The following ELMO1 variants were observed in gnomAD, a reference collection of about 807,000 sequenced individuals.
The protein encoded by ELMO1 is engulfment and cell motility 1, also known as engulfment and cell motility protein 1.
A neutral mutation model predicts 98.9 loss-of-function variants in ELMO1; 26 were observed. That is an observed-to-expected ratio of 0.26 (90% CI 0.19 to 0.36). ELMO1 has a LOEUF of 0.36. Ranked by LOEUF, ELMO1 falls within the 10% of genes least tolerant of loss-of-function variation. The pLI is 1.00. For missense variants in ELMO1, 627 were observed against 935.2 expected, an observed-to-expected ratio of 0.67 and a Z score of 4.30; for synonymous variants, 346 against 346.0, an observed-to-expected ratio of 1.00 and a Z score of 0.00.
chr7:37,359,122 G>A (rs1249402448), intron 1 of ELMO1, among the ~76,000 whole-genome samples: 1 of 152,210 alleles, frequency 6.6e-6, no homozygotes, highest in Non-Finnish European at 1.5e-5. Context: ...TCAAGGCAAT[G>A]GGTGTAGAGA....
chr7:37,330,406 T>G (rs1422754350), intron 2 of ELMO1, among the ~76,000 whole-genome samples: 1 of 152,210 alleles, frequency 6.6e-6, no homozygotes, highest in African/African-American at 2.4e-5. Flanking sequence ...ACTCTGTGTT[T>G]TATTGTTTTA....
intron 13 of ELMO1, among the ~76,000 whole-genome samples, chr7:37,145,309 T>C (rs535736122): frequency 5.3e-5 from 8 of 152,250 alleles, no homozygotes; most frequent in Non-Finnish European, 1.2e-4. Flanking sequence ...CAAATCCCCA[T>C]GCAGCTTCTA....
At chr7:37,256,540 AAAGAAGGAAGAAAGG>A (rs1218081367) in intron 6 of ELMO1, among the ~76,000 whole-genome samples, 1,397 of 122,014 alleles carry the variant, frequency 0.011, 25 homozygotes, top group African/African-American at 0.044. Context: ...GGAAGGAAGG[AAAGAAGGAAGAAAGG>A]AAGGAAGGAA....
chr7:36,919,347 T>C (rs1435633987), intron 16 of ELMO1: 1 of 530,780 alleles, frequency 1.9e-6, no homozygotes, highest in Non-Finnish European at 3.9e-6. Context: ...CTGAAGACTT[T>C]GGGACTTCAG....
chr7:37,137,447 C>G (rs1200838239), intron 13 of ELMO1, among the ~76,000 whole-genome samples: 4 of 152,138 alleles, frequency 2.6e-5, no homozygotes, highest in African/African-American at 4.8e-5. Flanking sequence ...ACAGAACATT[C>G]TACCCAACAA....
At chr7:36,978,105 A>G (rs910566194) in intron 16 of ELMO1, among the ~76,000 whole-genome samples, 1 of 152,184 alleles carries the variant, frequency 6.6e-6, no homozygotes, top group Non-Finnish European at 1.5e-5. Flanking sequence ...TGAGCAAGAA[A>G]ATGTGAACTT....
chr7:37,200,548 G>A lies in ELMO1; in HGVS notation c.1086+10838C>T, dbSNP rs902878795. ...ATCCTCTCTTCACCTGTGACGAATG[G>A]GCCACCTGAAAAGGATGCCCACCTG... On this transcript the variant is annotated intron_variant, in intron 13 of 21. Coordinates refer to ENST00000310758, the MANE Select transcript of ELMO1 (RefSeq NM_014800.11). Among the ~76,000 whole-genome samples the A allele has an allele frequency of 9.2e-5, 14 of 152,080 alleles. No individual in the cohort carries two copies. In the East Asian group the frequency reaches 2.5e-3, roughly 27 times the overall value.
intron 20 of ELMO1, among the ~76,000 whole-genome samples, chr7:36,862,944 A>T (rs1430793964): frequency 1.3e-5 from 2 of 152,254 alleles, no homozygotes; most frequent in East Asian, 1.9e-4. Context: ...AGATGAGGTC[A>T]GTGCCTACAG....
intron 16 of ELMO1, among the ~76,000 whole-genome samples, chr7:36,936,384 G>A (rs183546789): frequency 1.3e-5 from 2 of 152,174 alleles, no homozygotes; most frequent in Non-Finnish European, 2.9e-5. Context: ...ACCACCCCTG[G>A]ATTACGCTGG....
At chr7:36,916,799 T>A (rs1034806988) in intron 16 of ELMO1, among the ~76,000 whole-genome samples, 1 of 152,210 alleles carries the variant, frequency 6.6e-6, no homozygotes, top group Non-Finnish European at 1.5e-5. Flanking sequence ...AACCTCCTGC[T>A]CTAAGGAGAC....
intron 1 of ELMO1, among the ~76,000 whole-genome samples, chr7:37,368,302 A>C (rs1240372937): frequency 6.6e-6 from 1 of 152,240 alleles, no homozygotes; most frequent in Admixed American, 6.5e-5. Flanking sequence ...TATTAAAGTG[A>C]TTAGCATTTC....
intron 13 of ELMO1, among the ~76,000 whole-genome samples, chr7:37,164,200 T>A (rs924569788): frequency 3.9e-5 from 6 of 152,250 alleles, no homozygotes; most frequent in Non-Finnish European, 5.9e-5. Flanking sequence ...TTATTTCTTG[T>A]AAATTTGTTT....
chr7:37,347,906 C>A (rs963676115), intron 1 of ELMO1, among the ~76,000 whole-genome samples: 9 of 152,138 alleles, frequency 5.9e-5, no homozygotes, highest in Non-Finnish European at 1.3e-4. Flanking sequence ...TGAGGCATAA[C>A]TGAGAAGGAA....
intron 1 of ELMO1, among the ~76,000 whole-genome samples, chr7:37,397,293 C>T (rs1346248277): frequency 6.6e-6 from 1 of 152,188 alleles, no homozygotes; most frequent in African/African-American, 2.4e-5. Context: ...TGAATAACAA[C>T]ACTTAAAATA....
intron 14 of ELMO1, among the ~76,000 whole-genome samples, chr7:37,115,210 CAGAAGGT>C (rs763858477): frequency 2.0e-5 from 3 of 152,176 alleles, no homozygotes; most frequent in Non-Finnish European, 4.4e-5. Flanking sequence ...CAATCTGTTC[CAGAAGGT>C]AGAAGCAGAA....
At chr7:36,917,099 A>G (rs896290110) in intron 16 of ELMO1, among the ~76,000 whole-genome samples, 3 of 152,248 alleles carry the variant, frequency 2.0e-5, no homozygotes, top group African/African-American at 7.2e-5. Flanking sequence ...GTTTTAGTGC[A>G]AATAATACTT....
At chr7:37,244,230 T>C (rs1562548496) in intron 7 of ELMO1, 126 bp downstream of exon 7, 3 of 1,009,402 alleles carry the variant, frequency 3.0e-6, no homozygotes, top group Non-Finnish European at 2.8e-6. Flanking sequence ...AAAACAAAAA[T>C]AACAAAAAAT....
intron 11 of ELMO1, 25 bp downstream of exon 11, chr7:37,216,620 G>A (rs748266875): frequency 1.1e-5 from 17 of 1,613,502 alleles, no homozygotes; most frequent in Non-Finnish European, 1.4e-5. Context: ...CCCCCACAAA[G>A]AGGTCACAGC....
intron 16 of ELMO1, among the ~76,000 whole-genome samples, chr7:36,927,757 A>G (rs990631348): frequency 1.3e-5 from 2 of 152,218 alleles, no homozygotes; most frequent in African/African-American, 4.8e-5. Flanking sequence ...CTAGAGATCA[A>G]ACTTGAAGGA....
Sources: allele counts gnomAD v4.1 joint callset (sites outside exome capture counted in the v4.1 genomes callset), GRCh38; gene constraint gnomAD v4.1.1; transcripts MANE v1.5; gene names NCBI Gene and HGNC (gene_info 2026-07-23, HGNC 2026-07-21).